The following SLC25A48 variants were observed in gnomAD, a reference collection of about 807,000 sequenced individuals.
The protein encoded by SLC25A48 is CTC-321K16.1.
A neutral mutation model predicts 32.2 loss-of-function variants in SLC25A48; 29 were observed. The observed-to-expected ratio is 0.90, with a 90% CI of 0.67 to 1.23. The LOEUF (loss-of-function observed/expected upper bound fraction) is 1.23. SLC25A48 is among the 50% of genes most tolerant of loss of function. The probability of loss-of-function intolerance (pLI) is 0.00; values close to 1 mark genes in which losing one functional copy is unlikely to be tolerated. For missense variants in SLC25A48, 399 were observed against 422.7 expected, an observed-to-expected ratio of 0.94 and a Z score of 0.49; for synonymous variants, 164 against 172.3, an observed-to-expected ratio of 0.95 and a Z score of 0.38.
At chr5:135,768,278 C>G (rs1055158341) in intron 3 of SLC25A48, among the ~76,000 whole-genome samples, 3 of 149,916 alleles carry the variant, frequency 2.0e-5, no homozygotes, top group Admixed American at 6.6e-5. Flanking sequence ...GTACACCCCT[C>G]TGTGATATTG....
upstream of SLC25A48, among the ~76,000 whole-genome samples, chr5:135,832,752 C>T (rs1317839055): frequency 6.6e-6 from 1 of 152,158 alleles, no homozygotes; most frequent in Non-Finnish European, 1.5e-5. Flanking sequence ...CACTAGTTAA[C>T]AAATGCTATC....
At chr5:135,584,812 T>C (rs926067674) in intron 1 of SLC25A48, among the ~76,000 whole-genome samples, 3 of 152,246 alleles carry the variant, frequency 2.0e-5, no homozygotes, top group Admixed American at 6.5e-5. Context: ...CAAGGTTGTG[T>C]AAACACTGTG....
At chr5:135,722,359 T>A (rs1754977398) in intron 3 of SLC25A48, among the ~76,000 whole-genome samples, 2 of 152,338 alleles carry the variant, frequency 1.3e-5, no homozygotes, top group African/African-American at 4.8e-5. Flanking sequence ...AGCAGCACTT[T>A]GGGCAAACTT....
At chr5:135,804,510 C>A (rs1334157400) in intron 3 of SLC25A48, among the ~76,000 whole-genome samples, 1 of 151,158 alleles carries the variant, frequency 6.6e-6, no homozygotes, top group Non-Finnish European at 1.5e-5. Context: ...GGGTGTACAC[C>A]CTGTGTGTGC....
intron 1 of SLC25A48, 28 bp from the exon 2 acceptor site, chr5:135,842,388 T>C (rs763185626): frequency 1.2e-6 from 2 of 1,612,958 alleles, no homozygotes; most frequent in Non-Finnish European, 1.7e-6. Flanking sequence ...AAGGGCTGAG[T>C]TACTAGGCAT....
intron 1 of SLC25A48, among the ~76,000 whole-genome samples, chr5:135,623,220 G>A (rs992221413): frequency 4.6e-5 from 7 of 152,220 alleles, no homozygotes; most frequent in East Asian, 1.9e-4. Flanking sequence ...AGCATAAAGA[G>A]TTTGCTCTTG....
chr5:135,723,376 T>TCACACACACACA (rs1446274270), intron 3 of SLC25A48, among the ~76,000 whole-genome samples: 1 of 47,664 alleles, frequency 2.1e-5, no homozygotes, highest in Non-Finnish European at 6.9e-5. Flanking sequence ...TCTCTCTCTC[T>TCACACACACACA]CTCTCACACA....
At chr5:135,683,763 C>T (rs966113844) in intron 3 of SLC25A48, among the ~76,000 whole-genome samples, 2 of 152,146 alleles carry the variant, frequency 1.3e-5, no homozygotes, top group Non-Finnish European at 2.9e-5. Context: ...TAACACTGAG[C>T]ACTTGAGGTT....
chr5:135,671,166 G>A (rs551442711), intron 3 of SLC25A48, among the ~76,000 whole-genome samples: 1 of 152,270 alleles, frequency 6.6e-6, no homozygotes, highest in East Asian at 1.9e-4. Context: ...TGGAATAAGG[G>A]CCGAAGGAGC....
intron 3 of SLC25A48, among the ~76,000 whole-genome samples, chr5:135,725,881 C>CA (rs5871579): frequency 0.69 from 103,595 of 149,536 alleles, 37,781 homozygotes; most frequent in Middle Eastern, 0.84. Flanking sequence ...CTAGGGTTTT[C>CA]AAAAAAAAAA....
chr5:135,811,966 C>T (rs904272926), intron 3 of SLC25A48, among the ~76,000 whole-genome samples: 4 of 152,110 alleles, frequency 2.6e-5, no homozygotes, highest in Non-Finnish European at 4.4e-5. Flanking sequence ...CCTGTAATCC[C>T]AGCTACTCAG....
At chr5:135,883,781 C>T (rs1762627785) in intron 7 of SLC25A48, among the ~76,000 whole-genome samples, 1 of 152,168 alleles carries the variant, frequency 6.6e-6, no homozygotes, top group Non-Finnish European at 1.5e-5. Flanking sequence ...CTCTCTGGGC[C>T]TTATTTTTAC....
At chr5:135,813,780 A>G (rs936471740) in intron 4 of SLC25A48, among the ~76,000 whole-genome samples, 1 of 152,114 alleles carries the variant, frequency 6.6e-6, no homozygotes, top group Non-Finnish European at 1.5e-5. Flanking sequence ...CAATGTTGGG[A>G]AAAAGGGGAG....
At chr5:135,637,012 G>C (rs1165608658) in intron 3 of SLC25A48, among the ~76,000 whole-genome samples, 2 of 152,188 alleles carry the variant, frequency 1.3e-5, no homozygotes, top group Non-Finnish European at 2.9e-5. Context: ...ACCTTTAAAA[G>C]CCAGCTGCTG....
chr5:135,789,953 A>C (rs1463860451), intron 3 of SLC25A48, among the ~76,000 whole-genome samples: 1 of 151,968 alleles, frequency 6.6e-6, no homozygotes, highest in African/African-American at 2.4e-5. Flanking sequence ...ACTCACTGTG[A>C]CATTAGGAGT....
At chr5:135,665,763 T>C (rs1561781652) in intron 3 of SLC25A48, among the ~76,000 whole-genome samples, 2 of 75,516 alleles carry the variant, frequency 2.6e-5, no homozygotes, top group African/African-American at 8.9e-5. Flanking sequence ...GTTATTCTTT[T>C]TGAAAAAAAA....
intron 1 of SLC25A48, among the ~76,000 whole-genome samples, chr5:135,583,525 A>C (rs916490939): frequency 1.3e-5 from 2 of 151,802 alleles, no homozygotes; most frequent in African/African-American, 2.4e-5. Flanking sequence ...GGAATCCTAG[A>C]ATTCAGCACT....
intron 3 of SLC25A48, among the ~76,000 whole-genome samples, chr5:135,735,345 GT>G (rs1755335968): frequency 6.6e-6 from 1 of 152,146 alleles, no homozygotes; most frequent in Admixed American, 6.5e-5. Context: ...AATTTTTGAA[GT>G]TTTTTTCTAA....
chr5:135,654,109 G>A (rs1049424474), intron 3 of SLC25A48, among the ~76,000 whole-genome samples: 7 of 152,198 alleles, frequency 4.6e-5, no homozygotes, highest in Non-Finnish European at 1.0e-4. Flanking sequence ...ACAAAAATGG[G>A]CAACCGTCTA....
Sources: allele counts gnomAD v4.1 joint callset (sites outside exome capture counted in the v4.1 genomes callset), GRCh38; gene constraint gnomAD v4.1.1; transcripts MANE v1.5; gene names NCBI Gene and HGNC (gene_info 2026-07-23, HGNC 2026-07-21).